Variants in PPFIA2 observed in about 807,000 individuals in gnomAD.
PPFIA2 encodes the protein liprin-alpha-2.
Under a neutral mutation model 175.5 loss-of-function variants are expected in PPFIA2, and 46 were observed. The ratio of observed to expected loss-of-function variants is 0.26; its 90% confidence interval spans 0.21 to 0.34. The LOEUF (loss-of-function observed/expected upper bound fraction) is 0.34, where lower values mean the gene tolerates loss of function less well. Ranked by LOEUF, PPFIA2 falls within the 10% of genes least tolerant of loss-of-function variation. PPFIA2 has a pLI of 1.00. For synonymous variants in PPFIA2, 568 were observed against 511.4 expected (o/e 1.11, Z -1.49); for missense variants, 1,179 against 1,506.1 (o/e 0.78, Z 3.60).
chr12:81,355,136 C>T lies in PPFIA2; in HGVS notation c.1774-1797G>A, dbSNP rs558581418. Among the ~76,000 whole-genome samples the T allele has an allele frequency of 3.3e-5, 5 of 152,254 alleles. No individual in the cohort carries two copies. The East Asian group carries it at 9.6e-4, about 29-fold the overall frequency. ...TTGAAAGCCAAAATTACTGCTTTATCCACGGGCTACAGAATGAATGTTGTG... is the reference window on the plus strand; with the variant it reads ...TTGAAAGCCAAAATTACTGCTTTATTCACGGGCTACAGAATGAATGTTGTG... On this transcript the variant is annotated intron_variant, in intron 16 of 32. Transcript: ENST00000549396.
chr12:81,363,692 A>T (rs913235378), intron 14 of PPFIA2, among the ~76,000 whole-genome samples: 4 of 149,914 alleles, frequency 2.7e-5, no homozygotes, highest in African/African-American at 9.8e-5. Flanking sequence ...TGTTCTTTTT[A>T]TTCTCACTAC....
intron 24 of PPFIA2, among the ~76,000 whole-genome samples, chr12:81,287,450 A>G (rs893769299): frequency 3.3e-5 from 5 of 151,906 alleles, no homozygotes; most frequent in Non-Finnish European, 5.9e-5. Context: ...ATAAGCATAT[A>G]CCCAGGACAA....
intron 8 of PPFIA2, among the ~76,000 whole-genome samples, chr12:81,399,043 A>C (rs2041677649): frequency 6.6e-6 from 1 of 152,016 alleles, no homozygotes; most frequent in African/African-American, 2.4e-5. Context: ...ATTCTACCAA[A>C]GTGAAAAAAT....
chr12:81,339,371 C>T (rs2057665983), intron 20 of PPFIA2, 37 bp from the exon 21 acceptor site: 1 of 1,484,946 alleles, frequency 6.7e-7, no homozygotes, highest in Non-Finnish European at 9.0e-7. Flanking sequence ...ATGCAACATC[C>T]ACAAGGTACA....
chr12:81,483,016 T>C (rs1035306660), intron 4 of PPFIA2, among the ~76,000 whole-genome samples: 8 of 152,164 alleles, frequency 5.3e-5, no homozygotes, highest in Non-Finnish European at 8.8e-5. Flanking sequence ...TTGAATTGTG[T>C]TTTATAAATG....
At chr12:81,650,841 A>G (rs2066919094) in intron 4 of PPFIA2, among the ~76,000 whole-genome samples, 1 of 152,228 alleles carries the variant, frequency 6.6e-6, no homozygotes, top group Admixed American at 6.5e-5. Flanking sequence ...ACGAAGAGAA[A>G]CATATGGCCA....
intron 4 of PPFIA2, among the ~76,000 whole-genome samples, chr12:81,566,835 TAC>T (rs1447324579): frequency 5.3e-5 from 8 of 152,218 alleles, no homozygotes; most frequent in African/African-American, 1.9e-4. Context: ...ACTTACTACA[TAC>T]ACTTTCTCAT....
chr12:81,325,923 T>C (rs1566158502), intron 21 of PPFIA2, 53 bp from the exon 22 acceptor site: 29 of 1,329,038 alleles, frequency 2.2e-5, no homozygotes, highest in Non-Finnish European at 2.8e-5. Context: ...GTTGTGTCAA[T>C]TCTGAAGTCA....
chr12:81,408,641 A>G (rs1420095884), intron 7 of PPFIA2, among the ~76,000 whole-genome samples: 1 of 152,194 alleles, frequency 6.6e-6, no homozygotes, highest in Non-Finnish European at 1.5e-5. Context: ...CATTCAGAAA[A>G]AAGTACAAAT....
intron 4 of PPFIA2, among the ~76,000 whole-genome samples, chr12:81,540,466 A>C (rs1451551519): frequency 6.6e-6 from 1 of 152,022 alleles, no homozygotes; most frequent in East Asian, 1.9e-4. Context: ...TATATGGGAA[A>C]ATGCTTTGTC....
intron 3 of PPFIA2, among the ~76,000 whole-genome samples, chr12:81,719,464 A>T (rs911425677): frequency 6.6e-6 from 1 of 151,432 alleles, no homozygotes; most frequent in African/African-American, 2.4e-5. Flanking sequence ...TGGGGTGATG[A>T]TTACCCCTGA....
At chr12:81,311,987 C>G in intron 22 of PPFIA2, 1 of 618,940 alleles carries the variant, frequency 1.6e-6, no homozygotes, top group East Asian at 2.8e-5. Flanking sequence ...GAACATTTCT[C>G]TGAACCAATG....
At chr12:81,665,559 T>C (rs1455848103) in intron 4 of PPFIA2, among the ~76,000 whole-genome samples, 2 of 152,070 alleles carry the variant, frequency 1.3e-5, no homozygotes, top group African/African-American at 4.8e-5. Flanking sequence ...GAAATATAGA[T>C]GCTTAAGTAG....
chr12:81,309,862 C>T (rs2050303120), intron 22 of PPFIA2, among the ~76,000 whole-genome samples: 1 of 152,004 alleles, frequency 6.6e-6, no homozygotes, highest in Non-Finnish European at 1.5e-5. Context: ...AAATACCCCC[C>T]TGACACACAC....
At chr12:81,715,790 T>C (rs539999225) in intron 3 of PPFIA2, among the ~76,000 whole-genome samples, 2 of 151,860 alleles carry the variant, frequency 1.3e-5, no homozygotes, top group Non-Finnish European at 3.0e-5. Flanking sequence ...AATGGCATTA[T>C]GCTCCCTTGA....
chr12:81,284,523 TG>T, intron 24 of PPFIA2: 1 of 529,314 alleles, frequency 1.9e-6, no homozygotes. Context: ...GTGAAGCTCT[TG>T]GGGATGTAGA....
At chr12:81,750,742 T>C (rs954987530) in intron 3 of PPFIA2, among the ~76,000 whole-genome samples, 1 of 152,152 alleles carries the variant, frequency 6.6e-6, no homozygotes, top group East Asian at 1.9e-4. Flanking sequence ...TGTTGCATAC[T>C]TTTATAAAGA....
chr12:81,574,399 A>C (rs1395199122), intron 4 of PPFIA2, among the ~76,000 whole-genome samples: 1 of 151,808 alleles, frequency 6.6e-6, no homozygotes, highest in East Asian at 1.9e-4. Context: ...ATGGCTCATC[A>C]GTTTTGATAT....
intron 4 of PPFIA2, among the ~76,000 whole-genome samples, chr12:81,632,588 C>T (rs1351406174): frequency 1.3e-5 from 2 of 152,114 alleles, no homozygotes; most frequent in Admixed American, 1.3e-4. Context: ...AAATTCTTTG[C>T]TCCTTCATTC....
Sources: allele counts gnomAD v4.1 joint callset (sites outside exome capture counted in the v4.1 genomes callset), GRCh38; gene constraint gnomAD v4.1.1; transcripts MANE v1.5; gene names NCBI Gene and HGNC (gene_info 2026-07-23, HGNC 2026-07-21).